The following BRINP3 variants were observed in gnomAD, a reference collection of about 807,000 sequenced individuals.
The protein encoded by BRINP3 is BMP/retinoic acid inducible neural specific 3, also known as BMP/retinoic acid-inducible neural-specific protein 3.
A neutral mutation model predicts 71.0 loss-of-function variants in BRINP3; 19 were observed. The ratio of observed to expected loss-of-function variants is 0.27; its 90% CI spans 0.19 to 0.39. The LOEUF (loss-of-function observed/expected upper bound fraction) is 0.39. BRINP3 is among the 10% of genes least tolerant of loss of function. BRINP3 has a pLI of 1.00. For missense variants in BRINP3, 959 were observed against 940.8 expected (o/e 1.02, Z -0.25); for synonymous variants, 380 against 337.7 (o/e 1.13, Z -1.37).
intron 6 of BRINP3, among the ~76,000 whole-genome samples, chr1:190,190,899 T>C (rs1653976425): frequency 6.6e-6 from 1 of 152,156 alleles, no homozygotes; most frequent in Non-Finnish European, 1.5e-5. Context: ...GGATGGTATG[T>C]CACAATCTTT....
chr1:190,387,161 G>T (rs534962964), intron 2 of BRINP3, among the ~76,000 whole-genome samples: 16 of 151,960 alleles, frequency 1.1e-4, no homozygotes, highest in African/African-American at 3.9e-4. Context: ...TCTTATTGCT[G>T]AATCAAAATT....
chr1:190,425,151 G>T (rs1673621243), intron 2 of BRINP3, among the ~76,000 whole-genome samples: 1 of 151,588 alleles, frequency 6.6e-6, no homozygotes, highest in Admixed American at 6.6e-5. Flanking sequence ...GACAATATAG[G>T]TGATAGTTTG....
At chr1:190,115,760 C>T (rs371602316) in intron 7 of BRINP3, among the ~76,000 whole-genome samples, 2 of 151,982 alleles carry the variant, frequency 1.3e-5, no homozygotes, top group Admixed American at 6.6e-5. Flanking sequence ...TGTGGGAAAC[C>T]GAAGGTGACA....
intron 2 of BRINP3, among the ~76,000 whole-genome samples, chr1:190,344,990 G>A (rs1468960382): frequency 1.3e-5 from 2 of 151,712 alleles, no homozygotes; most frequent in Admixed American, 6.6e-5. Context: ...TATGCATTAC[G>A]TACATTGTCA....
At chr1:190,252,250 T>A (rs1316067763) in intron 4 of BRINP3, among the ~76,000 whole-genome samples, 1 of 152,022 alleles carries the variant, frequency 6.6e-6, no homozygotes, top group East Asian at 1.9e-4. Flanking sequence ...GCCAAAGAGC[T>A]TTACCAATTA....
intron 4 of BRINP3, among the ~76,000 whole-genome samples, chr1:190,245,020 C>T (rs1436754319): frequency 1.3e-5 from 2 of 151,982 alleles, no homozygotes; most frequent in African/African-American, 4.8e-5. Flanking sequence ...ATATCAAAAG[C>T]TTCTGTCCTA....
intron 2 of BRINP3, among the ~76,000 whole-genome samples, chr1:190,344,984 C>A (rs1447526065): frequency 6.6e-6 from 1 of 151,792 alleles, no homozygotes; most frequent in Non-Finnish European, 1.5e-5. Flanking sequence ...ATTGAATATG[C>A]ATTACGTACA....
chr1:190,382,173 C>T (rs370445872), intron 2 of BRINP3, among the ~76,000 whole-genome samples: 104 of 129,846 alleles, frequency 8.0e-4, no homozygotes, highest in African/African-American at 2.4e-3. Flanking sequence ...ACATGAAATA[C>T]AAAATCAGAA....
chr1:190,462,003 T>C (rs1442311940), intron 1 of BRINP3, among the ~76,000 whole-genome samples: 2 of 152,106 alleles, frequency 1.3e-5, no homozygotes, highest in East Asian at 3.9e-4. Flanking sequence ...AACCTCCTCC[T>C]CCCAGTTCAG....
intron 2 of BRINP3, among the ~76,000 whole-genome samples, chr1:190,297,915 G>GGGAAA (rs1664377740): frequency 6.6e-6 from 1 of 151,838 alleles, no homozygotes; most frequent in African/African-American, 2.4e-5. Context: ...GAAATAGTCT[G>GGGAAA]TAAAATTATT....
At position 190,458,212 on chromosome 1, in the gene BRINP3, T is replaced by A. The variant is rs187821859; in HGVS notation, c.-50-3272A>T. Among the ~76,000 whole-genome samples, 127 of 152,236 alleles carry A rather than the reference T, an allele frequency of 8.3e-4. 1 individual carries two copies. Among genetic ancestry groups the A allele is most frequent in the Non-Finnish European group, 1.5e-3 (99 of 67,960 alleles). On this transcript the variant is annotated intron_variant, in intron 1 of 7. Transcript: ENST00000367462. ...TACAGAAATAATTTTTTTCTGAAAG[T>A]TTGTTAACACATAGGAATGTCAATC...
chr1:190,148,215 T>G (rs1223223831), intron 7 of BRINP3, among the ~76,000 whole-genome samples: 1 of 152,112 alleles, frequency 6.6e-6, no homozygotes, highest in Admixed American at 6.6e-5. Context: ...CTCTTCTCAA[T>G]GAAATATCAG....
At chr1:190,437,418 C>T (rs1674536055) in intron 2 of BRINP3, among the ~76,000 whole-genome samples, 1 of 151,804 alleles carries the variant, frequency 6.6e-6, no homozygotes, top group African/African-American at 2.4e-5. Flanking sequence ...TTCACTTAAT[C>T]CTTCTTTTGC....
intron 6 of BRINP3, among the ~76,000 whole-genome samples, chr1:190,211,449 C>T (rs1416624131): frequency 6.6e-6 from 1 of 152,012 alleles, no homozygotes; most frequent in Non-Finnish European, 1.5e-5. Context: ...CTTAGAGACA[C>T]TTAATGAAGT....
chr1:190,208,925 T>C (rs1655750559), intron 6 of BRINP3, among the ~76,000 whole-genome samples: 1 of 152,130 alleles, frequency 6.6e-6, no homozygotes, highest in African/African-American at 2.4e-5. Context: ...ATCATAACAT[T>C]AACACTTTGA....
At chr1:190,381,663 T>C (rs768380735) in intron 2 of BRINP3, among the ~76,000 whole-genome samples, 11 of 152,138 alleles carry the variant, frequency 7.2e-5, no homozygotes, top group Non-Finnish European at 1.3e-4. Context: ...AAAGATTCAT[T>C]AAATATCAAA....
chr1:190,233,534 G>C lies in BRINP3; in HGVS notation c.724+838C>G, dbSNP rs992758914. On this transcript the variant is annotated intron_variant, in intron 5 of 7. Transcript: ENST00000367462. ...TAAGGGAAAAAATGGTAGCATTTCTGAAACTTTTAAGCATTTTTATGTAAA... is the reference window on the plus strand; with the variant it reads ...TAAGGGAAAAAATGGTAGCATTTCTCAAACTTTTAAGCATTTTTATGTAAA... Among the ~76,000 whole-genome samples the C allele has an allele frequency of 3.3e-5, 5 of 152,138 alleles. No homozygotes were observed. In the South Asian group the frequency reaches 1.0e-3, roughly 32 times the overall value.
intron 2 of BRINP3, among the ~76,000 whole-genome samples, chr1:190,418,870 A>G (rs973149113): frequency 6.6e-6 from 1 of 152,170 alleles, no homozygotes; most frequent in Non-Finnish European, 1.5e-5. Context: ...ATTGTTTTCA[A>G]GCCCAAACTA....
At chr1:190,279,645 T>G (rs1474765223) in intron 3 of BRINP3, among the ~76,000 whole-genome samples, 1 of 151,840 alleles carries the variant, frequency 6.6e-6, no homozygotes, top group East Asian at 1.9e-4. Flanking sequence ...TTTTTCACCT[T>G]TAATGTCTTG....
Sources: gnomAD v4.1 joint callset for allele counts (sites outside exome capture counted in the v4.1 genomes callset) on GRCh38, gnomAD v4.1.1 for gene constraint, MANE v1.5 for transcripts, NCBI Gene and HGNC (gene_info 2026-07-23, HGNC 2026-07-21) for gene names.